The following CDIPT variants were observed in gnomAD, a reference collection of about 807,000 sequenced individuals.
CDIPT encodes PI synthase.
In CDIPT, 17 loss-of-function variants were observed where a neutral mutation model predicts 21.6. That is an observed-to-expected ratio of 0.79 (90% confidence interval 0.54 to 1.18). CDIPT has a LOEUF of 1.18. CDIPT is among the 50% of genes most tolerant of loss of function. The pLI is 0.00. For synonymous variants in CDIPT, 119 were observed against 117.9 expected, an observed-to-expected ratio of 1.01 and a Z score of -0.06; for missense variants, 254 against 284.9, an observed-to-expected ratio of 0.89 and a Z score of 0.78.
chr16:29,862,570 G>A lies in CDIPT; in HGVS notation c.178+16C>T, dbSNP rs2067691992. ...ATTGTTGAACCCCAAGGCTGGCTGA[G>A]AGGGGTGTCTGTCACCTTGATTAAG... On this transcript the variant is annotated intron_variant, in intron 2 of 5. Transcript: ENST00000219789. The surrounding 1 kb of genome is among the most constrained non-coding windows in gnomAD (Gnocchi z 6.7). 3 of 1,558,610 alleles carry A rather than the reference G, an allele frequency of 1.9e-6. No individual in the cohort carries two copies. The highest frequency in any genetic ancestry group is 2.6e-6 in the Non-Finnish European group (3 of 1,150,942).
intron 2 of CDIPT, chr16:29,861,819 C>A (rs1460507412): frequency 3.5e-6 from 1 of 285,558 alleles, no homozygotes; most frequent in East Asian, 7.4e-5. Flanking sequence ...CTGCAACCTC[C>A]GCCTCCCGGG....
In CDIPT at chr16:29,859,249, C is replaced by T; in HGVS notation, c.582G>A (p.Leu194=). ...LLKSLISVIH[L]ITAARNMAAL... is the part of the protein sequence containing the mutation. ...CAGCCATGTTGCGGGCGGCCGTGAT[C>T]AGGTGGATGACGCTGATGAGCGACT... Residue 194 remains leucine (L), a synonymous_variant, in exon 6 of 6, where the codon CTG becomes CTA. Transcript: ENST00000219789. This position sits in a 1 kb window ranked among gnomAD's most constrained non-coding sequence, Gnocchi z 4.5. 3 of 1,594,278 alleles carry T rather than the reference C, an allele frequency of 1.9e-6. No homozygotes were observed. The highest frequency in any genetic ancestry group is 2.6e-6 in the Non-Finnish European group (3 of 1,171,150).
At chr16:29,861,301 T>A in intron 2 of CDIPT, 42 bp from the exon 3 acceptor site, 1 of 1,611,788 alleles carries the variant, frequency 6.2e-7, no homozygotes, top group Non-Finnish European at 8.5e-7. Flanking sequence ...GCACAGTGGA[T>A]GCAGGACAGG....
At position 29,862,558 on chromosome 16, in the gene CDIPT, A is replaced by G. The variant is rs1453731567; in HGVS notation, c.178+28T>C. ...AGGGAGGAGGGGATTGTTGAACCCC[A>G]AGGCTGGCTGAGAGGGGTGTCTGTC... On this transcript the variant is annotated intron_variant, in intron 2 of 5. Transcript: ENST00000219789. The surrounding 1 kb of genome is among the most constrained non-coding windows in gnomAD (Gnocchi z 6.7). The G allele has an allele frequency of 6.4e-7, 1 of 1,553,912 alleles. No homozygotes were observed. The highest frequency in any genetic ancestry group is 2.4e-5 in the East Asian group (1 of 41,148).
chr16:29,861,042 C>T, intron 3 of CDIPT, 64 bp downstream of exon 3: 2 of 1,563,244 alleles, frequency 1.3e-6, no homozygotes, highest in Non-Finnish European at 1.8e-6. Context: ...ACCCTTCCGT[C>T]TAGGCTCAGC....
chr16:29,860,952 A>G, intron 3 of CDIPT, 154 bp downstream of exon 3: 1 of 692,398 alleles, frequency 1.4e-6, no homozygotes, highest in South Asian at 1.8e-5. Flanking sequence ...AGCTTTAAAG[A>G]GAGGCAGGTT....
chr16:29,860,503 C>CT, intron 4 of CDIPT, 78 bp downstream of exon 4: 1 of 973,506 alleles, frequency 1.0e-6, no homozygotes, highest in Non-Finnish European at 1.6e-6. Context: ...TCGCCTTCTC[C>CT]TAGGCTAGGA....
chr16:29,859,248 T>A lies in CDIPT; in HGVS notation c.583A>T (p.Ile195Phe). 3 of 1,594,844 alleles carry A rather than the reference T, an allele frequency of 1.9e-6. No individual in the cohort carries two copies. Among genetic ancestry groups the A allele is most frequent in the Non-Finnish European group, 2.6e-6 (3 of 1,171,492 alleles). The stretch of plus-strand genomic sequence containing the variant: ...GCAGCCATGTTGCGGGCGGCCGTGA[T>A]CAGGTGGATGACGCTGATGAGCGAC... The part of the protein sequence containing the change: ...LKSLISVIHL[I>F]TAARNMAALD... Residue 195 changes from isoleucine to phenylalanine, a missense_variant, in exon 6 of 6, where the codon ATC (isoleucine) becomes TTC (phenylalanine). Physicochemically the swap from Ile to Phe is conservative, Grantham distance 21. Transcript: ENST00000219789. This position sits in a 1 kb window ranked among gnomAD's most constrained non-coding sequence, Gnocchi z 4.5.
rs572369775 is a variant in CDIPT at position 29,860,132 on chromosome 16, G to T, written c.414+449C>A. On this transcript the variant is annotated intron_variant, in intron 4 of 5. Transcript: ENST00000219789. ...AGCTAATTCAAGATTTTGTGTGTGTGTGGAAACAGAGTCTCACTTTGTTGC... is the reference window on the plus strand; with the variant it reads ...AGCTAATTCAAGATTTTGTGTGTGTTTGGAAACAGAGTCTCACTTTGTTGC... Among the ~76,000 whole-genome samples the T allele has an allele frequency of 6.6e-5, 10 of 152,254 alleles. No homozygotes were observed. The South Asian group carries it at 2.1e-3, about 32-fold the overall frequency.
In CDIPT at chr16:29,859,565, G is replaced by A. The variant is rs200789013; in HGVS notation, c.415-42C>T. ...CAGGCCACGTTAGCAAGAGGCAGGC[G>A]TGTGCCACCCCCTGCCCCCCCAGCA... On this transcript the variant is annotated intron_variant, in intron 4 of 5. Transcript: ENST00000219789. This position sits in a 1 kb window ranked among gnomAD's most constrained non-coding sequence, Gnocchi z 4.5. The A allele has an allele frequency of 1.3e-5, 17 of 1,357,100 alleles. No homozygotes were observed. The highest frequency in any genetic ancestry group is 1.8e-4 in the Middle Eastern group (1 of 5,556). The allele number at this position is 1,357,100 out of a possible 1,614,324, so 84.1% of individuals were successfully genotyped here.
Position 29,862,500 on chromosome 16 carries a change from C to G in CDIPT, c.178+86G>C. The G allele has an allele frequency of 7.4e-7, 1 of 1,356,060 alleles. No individual in the cohort carries two copies. 84.0% of individuals were successfully genotyped at this position (1,356,060 alleles called of 1,614,324 possible). A position where few individuals can be genotyped will look rare whatever the true frequency, so the allele number is the denominator to read the frequency against. Reference sequence around the variant, plus strand: ...TTTTTCCAGAGATGGGAATGACAGCCCTCTGACTCTGAGGTCCCGAGGAGG... The same window carrying G: ...TTTTTCCAGAGATGGGAATGACAGCGCTCTGACTCTGAGGTCCCGAGGAGG... On this transcript the variant is annotated intron_variant, in intron 2 of 5. Coordinates refer to ENST00000219789, the MANE Select transcript of CDIPT (RefSeq NM_006319.5). The surrounding 1 kb of genome is among the most constrained non-coding windows in gnomAD (Gnocchi z 6.7).
chr16:29,862,578 T>C lies in CDIPT; in HGVS notation c.178+8A>G. 6.4e-7 allele frequency: 1 copy of C among 1,562,754 alleles called. No homozygotes were observed. Among genetic ancestry groups the C allele is most frequent in the South Asian group, 1.2e-5 (1 of 85,732 alleles). On this transcript the variant is annotated splice_region_variant and intron_variant, in intron 2 of 5. Coordinates refer to ENST00000219789, the MANE Select transcript of CDIPT (RefSeq NM_006319.5). This position sits in a 1 kb window ranked among gnomAD's most constrained non-coding sequence, Gnocchi z 6.7. Reference sequence around the variant, plus strand: ...ACCCCAAGGCTGGCTGAGAGGGGTGTCTGTCACCTTGATTAAGAGCGCGAG... The same window carrying C: ...ACCCCAAGGCTGGCTGAGAGGGGTGCCTGTCACCTTGATTAAGAGCGCGAG...
chr16:29,861,932 C>T (rs1246996895), intron 2 of CDIPT, among the ~76,000 whole-genome samples: 1 of 152,004 alleles, frequency 6.6e-6, no homozygotes, highest in Non-Finnish European at 1.5e-5. Flanking sequence ...AGGGTTTCAC[C>T]ATGTTGGCCA....
Position 29,862,995 on chromosome 16 carries a change from C to G in CDIPT, c.-138G>C. On this transcript the variant is annotated 5_prime_UTR_variant, in exon 1 of 6. Coordinates refer to ENST00000219789, the MANE Select transcript of CDIPT (RefSeq NM_006319.5). The surrounding 1 kb of genome is among the most constrained non-coding windows in gnomAD (Gnocchi z 6.7). Reference sequence around the variant, plus strand: ...TGGACCCCGCCGCCCCAACCTGGCCCCAGATGCTGAAGCCCGCAGCCGTCG... The same window carrying G: ...TGGACCCCGCCGCCCCAACCTGGCCGCAGATGCTGAAGCCCGCAGCCGTCG... 1.0e-6 allele frequency: 1 copy of G among 1,004,094 alleles called. No homozygotes were observed. 62.2% of individuals were successfully genotyped at this position (1,004,094 alleles called of 1,614,324 possible). A position where few individuals can be genotyped will look rare whatever the true frequency, so the allele number is the denominator to read the frequency against.
chr16:29,860,528 A>G (rs1010341419), intron 4 of CDIPT, 53 bp downstream of exon 4: 5 of 1,206,780 alleles, frequency 4.1e-6, no homozygotes, highest in Admixed American at 3.5e-5. Flanking sequence ...GATTCAGCCC[A>G]GGGCTTCCCA....
Position 29,862,764 on chromosome 16 carries a change from G to A in CDIPT, c.44-44C>T, listed in dbSNP as rs747579378. On this transcript the variant is annotated intron_variant, in intron 1 of 5. Coordinates refer to ENST00000219789, the MANE Select transcript of CDIPT (RefSeq NM_006319.5). The surrounding 1 kb of genome is among the most constrained non-coding windows in gnomAD (Gnocchi z 6.7). ...GAGACAGGGCAGGATCAGGGAGCCCGCCAAGGCCCCTCGCCCTCTCGTTCG... is the reference window on the plus strand; with the variant it reads ...GAGACAGGGCAGGATCAGGGAGCCCACCAAGGCCCCTCGCCCTCTCGTTCG... 5.6e-6 allele frequency: 9 copies of A among 1,613,566 alleles called. No homozygotes were observed. Among genetic ancestry groups the A allele is most frequent in the Admixed American group, 1.7e-5 (1 of 59,970 alleles).
chr16:29,860,724 A>T, intron 3 of CDIPT, 62 bp from the exon 4 acceptor site: 1 of 923,236 alleles, frequency 1.1e-6, no homozygotes, highest in South Asian at 1.4e-5. Context: ...TCCAATCCTC[A>T]TGTTAACACC....
chr16:29,862,948 A>C lies in CDIPT; in HGVS notation c.-91T>G. ...GCGGCCTCAGCCTCCGGCCCGGCGC[A>C]TCGGCCGCACCACCTGCGCCCTGGA... On this transcript the variant is annotated 5_prime_UTR_variant, in exon 1 of 6. The change abolishes an upstream ATG in the 5' untranslated region. Transcript: ENST00000219789. This position sits in a 1 kb window ranked among gnomAD's most constrained non-coding sequence, Gnocchi z 6.7. 6.8e-7 allele frequency: 1 copy of C among 1,476,060 alleles called. No homozygotes were observed. The highest frequency in any genetic ancestry group is 1.1e-5 in the South Asian group (1 of 87,612). The allele number at this position is 1,476,060 out of a possible 1,614,324, so 91.4% of individuals were successfully genotyped here.
Position 29,861,109 on chromosome 16 carries a change from T to A in CDIPT, c.329A>T (p.His110Leu). 1 of 1,613,996 alleles carries A rather than the reference T, an allele frequency of 6.2e-7. No homozygotes were observed. Among genetic ancestry groups the A allele is most frequent in the Non-Finnish European group, 8.5e-7 (1 of 1,179,994 alleles). Residue 110 changes from histidine (H) to leucine (L), a missense_variant, in exon 3 of 6, where the codon CAC becomes CTC. Physicochemically the swap from His to Leu is moderately conservative, Grantham distance 99 (BLOSUM62 -3). Transcript: ENST00000219789. ...GGCCCCCAGAATCGCAGCAGACCTGTGGAGGTGCAGCCAGTGACTGGCCAC... is the reference window on the plus strand; with the variant it reads ...GGCCCCCAGAATCGCAGCAGACCTGAGGAGGTGCAGCCAGTGACTGGCCAC... Reference protein sequence around the residue: ...LDVASHWLHLHSSVVRGSESH... With the variant: ...LDVASHWLHLLSSVVRGSESH...
Sources: allele counts gnomAD v4.1 joint callset (sites outside exome capture counted in the v4.1 genomes callset), GRCh38; gene constraint gnomAD v4.1.1; non-coding constraint Gnocchi (gnomAD v3.1); transcripts MANE v1.5; gene names NCBI Gene and HGNC (gene_info 2026-07-23, HGNC 2026-07-21).